The following MCM6 variants were observed in gnomAD, a reference collection of about 807,000 sequenced individuals.
MCM6 encodes minichromosome maintenance complex component 6.
A neutral mutation model predicts 94.3 loss-of-function variants in MCM6; 46 were observed. The observed-to-expected ratio is 0.49, with a 90% CI of 0.39 to 0.62. The LOEUF (loss-of-function observed/expected upper bound fraction) is 0.62. MCM6 is among the 20% of genes least tolerant of loss of function. The pLI is 0.00. For missense variants in MCM6, 865 were observed against 1,017.9 expected (o/e 0.85, Z 2.04); for synonymous variants, 335 against 351.9 (o/e 0.95, Z 0.54).
At chr2:135,854,926 C>T (rs186753961) in intron 11 of MCM6, among the ~76,000 whole-genome samples, 6 of 151,910 alleles carry the variant, frequency 3.9e-5, no homozygotes, top group African/African-American at 9.7e-5. Flanking sequence ...AGGCTGAGGT[C>T]GGTGGATCAA....
chr2:135,872,211 C>T (rs1680212850), intron 2 of MCM6, among the ~76,000 whole-genome samples: 1 of 152,070 alleles, frequency 6.6e-6, no homozygotes, highest in African/African-American at 2.4e-5. Context: ...TTTGGGAGGC[C>T]GAGGCGGGCG....
At position 135,857,955 on chromosome 2, in the gene MCM6, A is replaced by G. The variant is rs1284635183; in HGVS notation, c.1412T>C (p.Val471Ala). The part of the protein sequence containing the change: ...EFDKMDVRDQ[V>A]AIHEAMEQQT... ...CTGTTCCATAGCTTCATGAATAGCA[A>G]CTTGATCCCGCACGTCCATCTTATC... The change falls in exon 10 of 17, where the codon GTT (valine) becomes GCT (alanine). Residue 471 changes from valine to alanine, a missense_variant. Physicochemically the swap from Val to Ala is moderately conservative, Grantham distance 64. Transcript: ENST00000264156. 4 of 1,613,914 alleles carry G rather than the reference A, an allele frequency of 2.5e-6. No individual in the cohort carries two copies. The highest frequency in any genetic ancestry group is 3.4e-6 in the Non-Finnish European group (4 of 1,180,060).
In MCM6 at chr2:135,862,737, C is replaced by T. The variant is rs746976033; in HGVS notation, c.1090G>A (p.Val364Ile). 3 of 1,613,728 alleles carry T rather than the reference C, an allele frequency of 1.9e-6. No individual in the cohort carries two copies. Among genetic ancestry groups the T allele is most frequent in the East Asian group, 4.5e-5 (2 of 44,896 alleles). The change falls in exon 8 of 17, where the codon GTA becomes ATA. Residue 364 changes from valine to isoleucine, a missense_variant. Coordinates refer to ENST00000264156, the MANE Select transcript of MCM6 (RefSeq NM_005915.6). ...AGCATCAGCAGGACACCCCGTTTTA[C>T]TTCATCATTGCCTGAAATGAAAAGA... Reference protein sequence around the residue: ...LFPTIHGNDEVKRGVLLMLFG... With the variant: ...LFPTIHGNDEIKRGVLLMLFG...
intron 9 of MCM6, 67 bp downstream of exon 9, chr2:135,859,234 T>C (rs769239623): frequency 2.4e-5 from 30 of 1,268,172 alleles, no homozygotes; most frequent in East Asian, 1.6e-4. Flanking sequence ...TGGTAACTTA[T>C]AGGCCTTTAC....
Position 135,868,856 on chromosome 2 carries a change from G to A in MCM6, c.370C>T (p.Arg124Ter), listed in dbSNP as rs1348642360. The change falls in exon 4 of 17, where the codon CGA becomes TGA. Residue 124 changes from arginine to a stop codon, truncating the protein, a stop_gained. Transcript: ENST00000264156. LOFTEE classifies it high-confidence loss of function. ...CCAATTCTGGATGAGGTGAGCTCTC[G>A]AATCCTGTTTAAAGACAAATGTCCC... ...FQDLPTRHKI[R>*]ELTSSRIGLL... The A allele has an allele frequency of 2.5e-6, 4 of 1,613,714 alleles. No individual in the cohort carries two copies. The highest frequency in any genetic ancestry group is 3.4e-6 in the Non-Finnish European group (4 of 1,179,770).
chr2:135,846,968 T>TACTCCA (rs1365552840), intron 14 of MCM6, among the ~76,000 whole-genome samples: 4 of 151,488 alleles, frequency 2.6e-5, no homozygotes, highest in Non-Finnish European at 5.9e-5. Context: ...TGCACCATTG[T>TACTCCA]ACTCCAGCCT....
intron 8 of MCM6, 31 bp from the exon 9 acceptor site, chr2:135,859,473 AAT>A (rs779315075): frequency 6.5e-7 from 1 of 1,535,330 alleles, no homozygotes; most frequent in Non-Finnish European, 8.9e-7. Context: ...AAGACTCATT[AAT>A]ATGTGATTAT....
intron 14 of MCM6, among the ~76,000 whole-genome samples, chr2:135,847,184 T>G (rs529102159): frequency 6.6e-6 from 1 of 152,256 alleles, no homozygotes; most frequent in South Asian, 2.1e-4. Flanking sequence ...GAAAGTCCAC[T>G]TGCAGTATTA....
intron 5 of MCM6, 25 bp from the exon 6 acceptor site, chr2:135,866,302 C>T (rs1408789347): frequency 6.2e-7 from 1 of 1,612,328 alleles, no homozygotes; most frequent in Admixed American, 1.7e-5. Flanking sequence ...TAGGTTGTTT[C>T]ACAACTTAAA....
chr2:135,874,221 G>A (rs1254987331), intron 1 of MCM6, among the ~76,000 whole-genome samples: 2 of 152,216 alleles, frequency 1.3e-5, no homozygotes, highest in African/African-American at 4.8e-5. Flanking sequence ...GTAATGTGAT[G>A]TGGTGGGTAG....
At chr2:135,870,835 C>T (rs1407675398) in intron 2 of MCM6, among the ~76,000 whole-genome samples, 2 of 152,214 alleles carry the variant, frequency 1.3e-5, no homozygotes, top group African/African-American at 4.8e-5. Flanking sequence ...CAGCCTCAAT[C>T]TACCTAGGCT....
chr2:135,844,518 C>G, intron 16 of MCM6, 27 bp downstream of exon 16: 1 of 1,436,824 alleles, frequency 7.0e-7, no homozygotes, highest in East Asian at 2.6e-5. Context: ...CTCCCTGATA[C>G]CAGAGCACGC....
rs73957048 is a variant in MCM6, at chr2:135,876,141, G to T, written c.107+118C>A. 2,944 of 723,650 alleles carry T rather than the reference G, an allele frequency of 4.1e-3. 71 individuals carry two copies. The African/African-American group carries it at 0.051, about 12-fold the overall frequency. The allele number at this position is 723,650 out of a possible 1,614,324, so 44.8% of individuals were successfully genotyped here. On this transcript the variant is annotated intron_variant, in intron 1 of 16. Coordinates refer to ENST00000264156, the MANE Select transcript of MCM6 (RefSeq NM_005915.6). ...CTAAAGTTGGGGGGCGGGCGGGGAG[G>T]CGCTTCCCGGACGCGCGACCCCCAG...
At chr2:135,868,250 A>C (rs1039563280) in intron 4 of MCM6, among the ~76,000 whole-genome samples, 1 of 152,104 alleles carries the variant, frequency 6.6e-6, no homozygotes, top group Non-Finnish European at 1.5e-5. Context: ...AGCCTGTCCT[A>C]TTCATGCTTT....
At chr2:135,869,002 G>C (rs1680152553) in intron 3 of MCM6, 142 bp from the exon 4 acceptor site, 1 of 714,466 alleles carries the variant, frequency 1.4e-6, no homozygotes, top group Non-Finnish European at 2.3e-6. Context: ...TCTCCTATAA[G>C]AATAATTTAG....
intron 8 of MCM6, 99 bp from the exon 9 acceptor site, chr2:135,859,541 T>C (rs563971669): frequency 1.3e-6 from 1 of 777,580 alleles, no homozygotes; most frequent in African/African-American, 1.8e-5. Flanking sequence ...AAAGAACATT[T>C]GAGAGCTTAA....
At chr2:135,875,385 A>T (rs1413642066) in intron 1 of MCM6, among the ~76,000 whole-genome samples, 2 of 151,932 alleles carry the variant, frequency 1.3e-5, no homozygotes, top group Admixed American at 6.6e-5. Flanking sequence ...AAGTTTGGAG[A>T]TGGGAGAGTG....
chr2:135,864,343 G>C (rs1000339027), intron 7 of MCM6, among the ~76,000 whole-genome samples: 3 of 152,022 alleles, frequency 2.0e-5, no homozygotes, highest in Non-Finnish European at 2.9e-5. Context: ...AATAAAAAGA[G>C]AAACAAGAGC....
At chr2:135,846,530 A>AG in intron 14 of MCM6, 138 bp from the exon 15 acceptor site, 1 of 717,412 alleles carries the variant, frequency 1.4e-6, no homozygotes, top group Admixed American at 2.8e-5. Context: ...TGTTTTAGAG[A>AG]CAGGGTCTTG....
Sources: gnomAD v4.1 joint callset for allele counts (sites outside exome capture counted in the v4.1 genomes callset) on GRCh38, gnomAD v4.1.1 for gene constraint, MANE v1.5 for transcripts, NCBI Gene and HGNC (gene_info 2026-07-23, HGNC 2026-07-21) for gene names.